The following ENOX1 variants were observed in gnomAD, a reference collection of about 807,000 sequenced individuals.
ENOX1 encodes candidate growth-related and time keeping constitutive hydroquinone (NADH) oxidase.
In ENOX1, 42 loss-of-function variants were observed where a neutral mutation model predicts 82.5. The observed-to-expected ratio is 0.51, with a 90% CI of 0.40 to 0.66. The LOEUF (loss-of-function observed/expected upper bound fraction) is 0.66. Among genes scored for constraint, ENOX1 ranks in the 30% least tolerant of loss-of-function variants. The probability of loss-of-function intolerance (pLI) is 0.00; values close to 1 mark genes in which losing one functional copy is unlikely to be tolerated. For missense variants in ENOX1, 608 were observed against 811.6 expected, an observed-to-expected ratio of 0.75 and a Z score of 3.05; for synonymous variants, 271 against 282.2, an observed-to-expected ratio of 0.96 and a Z score of 0.40.
At chr13:43,262,904 G>A (rs1215706606) in intron 14 of ENOX1, among the ~76,000 whole-genome samples, 1 of 152,166 alleles carries the variant, frequency 6.6e-6, no homozygotes, top group Non-Finnish European at 1.5e-5. Context: ...GAAATAATTT[G>A]TCTCAGTCAC....
chr13:43,559,948 T>C (rs551075248), intron 2 of ENOX1, among the ~76,000 whole-genome samples: 1 of 152,348 alleles, frequency 6.6e-6, no homozygotes, highest in Admixed American at 6.5e-5. Flanking sequence ...AGTAGTTCAA[T>C]GAACTAAGCA....
At chr13:43,369,031 C>CT (rs11425103) in intron 5 of ENOX1, among the ~76,000 whole-genome samples, 58,473 of 150,034 alleles carry the variant, frequency 0.39, 13,075 homozygotes, top group Middle Eastern at 0.55. Flanking sequence ...ATTGCCCATT[C>CT]TTTTTTTTTT....
At chr13:43,325,516 T>C (rs958637976) in intron 10 of ENOX1, among the ~76,000 whole-genome samples, 2 of 152,184 alleles carry the variant, frequency 1.3e-5, no homozygotes, top group African/African-American at 4.8e-5. Flanking sequence ...TCATAGTACT[T>C]TGTGATTCCT....
chr13:43,474,015 C>T lies in ENOX1; in HGVS notation c.-75+9994G>A, dbSNP rs535952314. 6.6e-5 allele frequency among the ~76,000 whole-genome samples: 10 copies of T among 152,154 alleles called. No individual in the cohort carries two copies. The South Asian group carries it at 1.9e-3, about 28-fold the overall frequency. On this transcript the variant is annotated intron_variant, in intron 3 of 16. Transcript: ENST00000690772. The stretch of plus-strand genomic sequence containing the variant: ...ATCCTTTTAATAGTAATGAATTTGT[C>T]AAAAAAGTATATTAGGACATCTATA...
intron 5 of ENOX1, among the ~76,000 whole-genome samples, chr13:43,399,661 C>A (rs904580543): frequency 6.6e-6 from 1 of 152,212 alleles, no homozygotes; most frequent in African/African-American, 2.4e-5. Context: ...TCTTTACAGA[C>A]AAACTCAGAG....
intron 2 of ENOX1, among the ~76,000 whole-genome samples, chr13:43,549,236 C>T (rs1232578448): frequency 6.6e-6 from 1 of 152,188 alleles, no homozygotes; most frequent in African/African-American, 2.4e-5. Flanking sequence ...ATATCAGTCA[C>T]ATTGAATTTA....
At chr13:43,639,514 G>C (rs755642315) in intron 2 of ENOX1, among the ~76,000 whole-genome samples, 109 of 152,086 alleles carry the variant, frequency 7.2e-4, no homozygotes, top group Non-Finnish European at 1.3e-3. Flanking sequence ...AATAGACCTG[G>C]ATTGAAATAA....
At chr13:43,468,206 CAG>C (rs1374527999) in intron 3 of ENOX1, among the ~76,000 whole-genome samples, 1 of 150,918 alleles carries the variant, frequency 6.6e-6, no homozygotes, top group Non-Finnish European at 1.5e-5. Context: ...TTTTTTGAGA[CAG>C]AGTTTCACTC....
intron 3 of ENOX1, among the ~76,000 whole-genome samples, chr13:43,429,958 T>C (rs2055560280): frequency 6.6e-6 from 1 of 152,270 alleles, no homozygotes; most frequent in Non-Finnish European, 1.5e-5. Context: ...GATCACAGTT[T>C]TGTTACAGTT....
chr13:43,419,900 G>A (rs1396875609), intron 3 of ENOX1, among the ~76,000 whole-genome samples: 1 of 152,094 alleles, frequency 6.6e-6, no homozygotes, highest in African/African-American at 2.4e-5. Flanking sequence ...GAACCTGGGA[G>A]GCAAAGGTTG....
Position 43,729,196 on chromosome 13 carries a change from A to ATATG in ENOX1, c.-285+57452_-285+57455dup, listed in dbSNP as rs1268893435. Among the ~76,000 whole-genome samples, 5 of 152,314 alleles carry ATATG rather than the reference A, an allele frequency of 3.3e-5. No individual in the cohort carries two copies. The South Asian group carries it at 1.0e-3, about 32-fold the overall frequency. On this transcript the variant is annotated intron_variant, in intron 1 of 16. Coordinates refer to ENST00000690772, the MANE Select transcript of ENOX1 (RefSeq NM_001347969.2). ...CATTCCCTGAAATTATGTTTACCCA[A>ATATG]TATGTACTCTGGATGTAATTATATA... is the stretch of plus-strand genomic sequence containing the variant.
At chr13:43,309,197 T>A (rs978054129) in intron 11 of ENOX1, among the ~76,000 whole-genome samples, 1 of 152,046 alleles carries the variant, frequency 6.6e-6, no homozygotes, top group African/African-American at 2.4e-5. Context: ...AATTTTTGTA[T>A]TTTTAGTAGA....
chr13:43,445,092 C>T (rs969093392), intron 3 of ENOX1, among the ~76,000 whole-genome samples: 21 of 150,612 alleles, frequency 1.4e-4, no homozygotes, highest in East Asian at 9.7e-4. Flanking sequence ...TAGAACAATA[C>T]TATGTTCTAG....
At chr13:43,616,204 A>ATATATT (rs1457149422) in intron 2 of ENOX1, among the ~76,000 whole-genome samples, 683 of 15,254 alleles carry the variant, frequency 0.045, 101 homozygotes, top group African/African-American at 0.074. Context: ...ATATATATAT[A>ATATATT]TTTTTTTTTT....
chr13:43,604,907 A>T (rs2081910615), intron 2 of ENOX1, among the ~76,000 whole-genome samples: 1 of 152,230 alleles, frequency 6.6e-6, no homozygotes, highest in Non-Finnish European at 1.5e-5. Context: ...GATAAATTTC[A>T]GTAAAGTTGA....
intron 2 of ENOX1, among the ~76,000 whole-genome samples, chr13:43,492,078 T>C (rs1211145911): frequency 6.6e-6 from 1 of 152,176 alleles, no homozygotes; most frequent in Non-Finnish European, 1.5e-5. Flanking sequence ...TCTTGCCCTG[T>C]TTCTCTGATC....
intron 2 of ENOX1, among the ~76,000 whole-genome samples, chr13:43,580,541 G>A (rs2080669554): frequency 6.6e-6 from 1 of 152,176 alleles, no homozygotes; most frequent in Admixed American, 6.5e-5. Context: ...AGCAGTGAAA[G>A]CCATTTTCAC....
intron 1 of ENOX1, among the ~76,000 whole-genome samples, chr13:43,683,197 T>C (rs981160490): frequency 6.6e-6 from 1 of 151,996 alleles, no homozygotes; most frequent in Non-Finnish European, 1.5e-5. Context: ...TGTCAAGCAA[T>C]TATTTGGGGG....
chr13:43,762,088 G>C (rs1245822128), intron 1 of ENOX1, among the ~76,000 whole-genome samples: 1 of 152,202 alleles, frequency 6.6e-6, no homozygotes, highest in Non-Finnish European at 1.5e-5. Flanking sequence ...GGATAGCTCA[G>C]TGTTGGCAAA....
Sources: gnomAD v4.1 joint callset for allele counts (sites outside exome capture counted in the v4.1 genomes callset) on GRCh38, gnomAD v4.1.1 for gene constraint, MANE v1.5 for transcripts, NCBI Gene and HGNC (gene_info 2026-07-23, HGNC 2026-07-21) for gene names.